GLRX3: variants seen among roughly 807,000 people sequenced by gnomAD.
GLRX3 encodes the protein glutaredoxin 3.
GLRX3 carries 22 observed loss-of-function variants against 49.5 expected under a neutral mutation model. That is an observed-to-expected ratio of 0.44 (90% CI 0.32 to 0.63). GLRX3 has a LOEUF of 0.63. Among genes scored for constraint, GLRX3 ranks in the 30% least tolerant of loss-of-function variants. The probability of loss-of-function intolerance (pLI) is 0.05; values close to 1 mark genes in which losing one functional copy is unlikely to be tolerated. For missense variants in GLRX3, 385 were observed against 396.3 expected, an observed-to-expected ratio of 0.97 and a Z score of 0.24; for synonymous variants, 133 against 140.0, an observed-to-expected ratio of 0.95 and a Z score of 0.35.
intron 1 of GLRX3, among the ~76,000 whole-genome samples, chr10:130,144,631 C>T (rs749451331): frequency 4.3e-4 from 65 of 152,186 alleles, no homozygotes; most frequent in Non-Finnish European, 7.3e-4. Flanking sequence ...CTGCAAAGGA[C>T]ATGAACTCAT....
chr10:130,143,045 C>G (rs1373212483), intron 1 of GLRX3, among the ~76,000 whole-genome samples: 1 of 152,148 alleles, frequency 6.6e-6, no homozygotes, highest in East Asian at 1.9e-4. Context: ...ACTAACAACC[C>G]ATTAAACTTC....
chr10:130,146,855 G>A lies in GLRX3; in HGVS notation c.201+1536G>A, dbSNP rs78572418. On this transcript the variant is annotated intron_variant, in intron 2 of 10. Transcript: ENST00000331244. ...AGAATTTTGACAGGGTAATTCATTC[G>A]TATAGTAGGTGATAAAATTTTCAGG... Among the ~76,000 whole-genome samples, 604 of 152,250 alleles carry A rather than the reference G, an allele frequency of 4.0e-3. 4 individuals are homozygous for A. Among genetic ancestry groups the A allele is most frequent in the African/African-American group, 0.014 (570 of 41,552 alleles).
At chr10:130,148,244 C>T (rs1862304552) in intron 2 of GLRX3, among the ~76,000 whole-genome samples, 1 of 151,882 alleles carries the variant, frequency 6.6e-6, no homozygotes, top group African/African-American at 2.4e-5. Flanking sequence ...GCAATTTCTC[C>T]ACCTTAGCCT....
chr10:130,149,038 A>T (rs1862321461), intron 2 of GLRX3, among the ~76,000 whole-genome samples: 1 of 151,852 alleles, frequency 6.6e-6, no homozygotes, highest in South Asian at 2.1e-4. Flanking sequence ...AGCTTGGGTG[A>T]CAGAGTGAGA....
chr10:130,163,448 C>T (rs914202208), intron 4 of GLRX3, among the ~76,000 whole-genome samples: 1 of 151,952 alleles, frequency 6.6e-6, no homozygotes, highest in African/African-American at 2.4e-5. Flanking sequence ...CATTTCAGAG[C>T]CATCTGAAAA....
chr10:130,149,618 A>G (rs1247019701), intron 2 of GLRX3, among the ~76,000 whole-genome samples: 1 of 152,128 alleles, frequency 6.6e-6, no homozygotes, highest in Non-Finnish European at 1.5e-5. Flanking sequence ...TTTGTCATTT[A>G]ATTAATTGTT....
chr10:130,178,289 C>T (rs910865095), intron 10 of GLRX3, among the ~76,000 whole-genome samples: 1 of 152,058 alleles, frequency 6.6e-6, no homozygotes, highest in African/African-American at 2.4e-5. Flanking sequence ...ACTCTGTCAC[C>T]CAGGCTGGAG....
chr10:130,170,119 G>T (rs1045092181), intron 7 of GLRX3, among the ~76,000 whole-genome samples: 6 of 152,170 alleles, frequency 3.9e-5, no homozygotes, highest in African/African-American at 1.4e-4. Flanking sequence ...GTAATTTCCA[G>T]AAACCAGCCA....
intron 2 of GLRX3, chr10:130,159,709 T>G (rs1234990582): frequency 1.5e-6 from 1 of 687,848 alleles, no homozygotes; most frequent in Non-Finnish European, 2.0e-6. Context: ...ATTGAAAATT[T>G]ACTAGGTCAC....
At chr10:130,177,400 T>C (rs1301505530) in intron 10 of GLRX3, among the ~76,000 whole-genome samples, 1 of 152,204 alleles carries the variant, frequency 6.6e-6, no homozygotes, top group African/African-American at 2.4e-5. Context: ...CGGCTCGCAT[T>C]AACAGCAGTG....
At position 130,177,003 on chromosome 10, in the gene GLRX3, T is replaced by G. The variant is rs138802925; in HGVS notation, c.957+1914T>G. On this transcript the variant is annotated intron_variant, in intron 10 of 10. Transcript: ENST00000331244. ...GTTATATAACAGAGTGTTATATGAT[T>G]TTTTATGTTCACCTGCTAAGAACAT... Among the ~76,000 whole-genome samples, 364 of 152,286 alleles carry G rather than the reference T, an allele frequency of 2.4e-3. 3 individuals carry two copies. The highest frequency in any genetic ancestry group is 7.5e-3 in the African/African-American group (310 of 41,562).
chr10:130,177,771 C>T (rs1409876922), intron 10 of GLRX3, among the ~76,000 whole-genome samples: 4 of 152,120 alleles, frequency 2.6e-5, no homozygotes, highest in Admixed American at 6.5e-5. Context: ...GACTGAAAGC[C>T]GTCTGGGTTT....
intron 6 of GLRX3, 100 bp from the exon 7 acceptor site, chr10:130,169,333 A>G: frequency 1.3e-6 from 1 of 758,364 alleles, no homozygotes; most frequent in Non-Finnish European, 2.4e-6. Flanking sequence ...GTGAACTGTC[A>G]TCCTGCCATC....
rs1288621590 is a variant in GLRX3, at chr10:130,136,478, G to T, written c.58G>T (p.Gly20Trp). The T allele has an allele frequency of 6.3e-6, 8 of 1,266,882 alleles. No individual in the cohort carries two copies. The highest frequency in any genetic ancestry group is 5.0e-6 in the Non-Finnish European group (5 of 1,000,348). The allele number at this position is 1,266,882 out of a possible 1,614,324, so 78.5% of individuals were successfully genotyped here. Residue 20 changes from glycine to tryptophan, a missense_variant, in exon 1 of 11, where the codon GGG becomes TGG. Physicochemically the swap from Gly to Trp is radical, Grantham distance 184 (BLOSUM62 -2). Around this residue, in one of 2 missense-constraint regions of GLRX3, gnomAD observed 374 missense variants for 358.6 expected, o/e 1.04. Coordinates refer to ENST00000331244, the MANE Select transcript of GLRX3 (RefSeq NM_006541.5). ...GGCCGTGGAGGAGGTCGGCTCAGCC[G>T]GGCAGTTTGAGGAGCTGCTGCGCCT... ...VAAVEEVGSA[G>W]QFEELLRLKA...
At chr10:130,172,044 C>G (rs1034676913) in intron 8 of GLRX3, among the ~76,000 whole-genome samples, 2 of 152,204 alleles carry the variant, frequency 1.3e-5, no homozygotes, top group African/African-American at 4.8e-5. Context: ...CCATACATAT[C>G]TGTATCTTTC....
At chr10:130,171,042 C>T (rs532324466) in intron 7 of GLRX3, among the ~76,000 whole-genome samples, 2 of 151,862 alleles carry the variant, frequency 1.3e-5, no homozygotes, top group African/African-American at 2.4e-5. Context: ...GCAGGAGAAT[C>T]GCTTGAACCT....
intron 2 of GLRX3, among the ~76,000 whole-genome samples, chr10:130,148,975 T>C (rs193158095): frequency 2.0e-4 from 31 of 152,250 alleles, no homozygotes; most frequent in African/African-American, 7.2e-4. Context: ...GGAGGATTGC[T>C]TAAGTCCAGG....
chr10:130,160,904 C>G lies in GLRX3; in HGVS notation c.385C>G (p.Leu129Val), dbSNP rs745870165. The change falls in exon 4 of 11, where the codon CTT becomes GTT. Residue 129 changes from leucine (L) to valine (V), a missense_variant. Leu to Val is a conservative substitution (Grantham distance 32). This residue lies in a region of GLRX3 where 374 missense variants were observed against 358.6 expected (regional missense o/e 1.04). Transcript: ENST00000331244. ...GSFLPSANEH[L>V]KEDLNLRLKK... ...CTTCCTACCCAGCGCTAATGAACAT[C>G]TTAAAGAAGATCTCAACCTTCGCTT... is the stretch of plus-strand genomic sequence containing the variant. 3.7e-6 allele frequency: 6 copies of G among 1,613,350 alleles called. No individual in the cohort carries two copies. The East Asian group carries it at 8.9e-5, about 24-fold the overall frequency.
intron 8 of GLRX3, among the ~76,000 whole-genome samples, chr10:130,171,840 T>C (rs1272575186): frequency 6.6e-6 from 1 of 151,984 alleles, no homozygotes; most frequent in Non-Finnish European, 1.5e-5. Flanking sequence ...GTCACATACA[T>C]CTATGGTCCT....
Sources: allele counts gnomAD v4.1 joint callset (sites outside exome capture counted in the v4.1 genomes callset), GRCh38; gene constraint gnomAD v4.1.1; regional missense constraint gnomAD v4.1.1; transcripts MANE v1.5; gene names NCBI Gene and HGNC (gene_info 2026-07-23, HGNC 2026-07-21).